DKK2: variants seen among roughly 807,000 people sequenced by gnomAD.
The protein encoded by DKK2 is dickkopf Wnt signaling pathway inhibitor 2.
DKK2 carries 11 observed loss-of-function variants against 28.1 expected under a neutral mutation model. That is an observed-to-expected ratio of 0.39 (90% CI 0.25 to 0.65). DKK2 has a LOEUF of 0.65. Among genes scored for constraint, DKK2 ranks in the 30% least tolerant of loss-of-function variants. The pLI is 0.47. For missense variants in DKK2, 326 were observed against 335.5 expected, an observed-to-expected ratio of 0.97 and a Z score of 0.22; for synonymous variants, 135 against 126.5, an observed-to-expected ratio of 1.07 and a Z score of -0.45.
At chr4:106,975,446 C>A (rs1399028142) in intron 1 of DKK2, among the ~76,000 whole-genome samples, 1 of 151,936 alleles carries the variant, frequency 6.6e-6, no homozygotes, top group Admixed American at 6.6e-5. Flanking sequence ...TTCAGGGATT[C>A]GACTCTTCCT....
At chr4:106,964,644 T>G (rs536248292) in intron 1 of DKK2, among the ~76,000 whole-genome samples, 280 of 152,180 alleles carry the variant, frequency 1.8e-3, no homozygotes, top group Non-Finnish European at 3.0e-3. Flanking sequence ...CTAATATACA[T>G]TTTGCTGTGA....
At chr4:106,985,328 G>T (rs1723100179) in intron 1 of DKK2, among the ~76,000 whole-genome samples, 1 of 152,044 alleles carries the variant, frequency 6.6e-6, no homozygotes, top group African/African-American at 2.4e-5. Flanking sequence ...AATCCTTGTG[G>T]TGATGGTGTG....
At chr4:106,986,599 A>G (rs1170263363) in intron 1 of DKK2, among the ~76,000 whole-genome samples, 8 of 152,184 alleles carry the variant, frequency 5.3e-5, no homozygotes. Context: ...ATAAACTAAT[A>G]GTTCAGGGAA....
rs373989655 is a variant in DKK2 at position 107,012,739 on chromosome 4, A to G, written c.222+22631T>C. On this transcript the variant is annotated intron_variant, in intron 1 of 3. Coordinates refer to ENST00000285311, the MANE Select transcript of DKK2 (RefSeq NM_014421.3). ...AAAACTTTCTCTAATACTGTTTATCATGATATTGCAGCATATGCTCTCTAT... is the reference window on the plus strand; with the variant it reads ...AAAACTTTCTCTAATACTGTTTATCGTGATATTGCAGCATATGCTCTCTAT... 7.9e-5 allele frequency among the ~76,000 whole-genome samples: 12 copies of G among 151,050 alleles called. No homozygotes were observed. The East Asian group carries it at 9.7e-4, about 12-fold the overall frequency.
intron 1 of DKK2, among the ~76,000 whole-genome samples, chr4:106,960,464 G>A (rs190691570): frequency 0.024 from 3,642 of 152,032 alleles, 60 homozygotes; most frequent in Non-Finnish European, 0.036. Flanking sequence ...ACTAACTTTT[G>A]GGAACAATGT....
In DKK2 at chr4:106,984,730, C is replaced by T. The variant is rs138890025; in HGVS notation, c.222+50640G>A. 3.4e-3 allele frequency among the ~76,000 whole-genome samples: 525 copies of T among 152,302 alleles called. 3 individuals carry two copies. Among genetic ancestry groups the T allele is most frequent in the African/African-American group, 0.012 (511 of 41,568 alleles). On this transcript the variant is annotated intron_variant, in intron 1 of 3. Coordinates refer to ENST00000285311, the MANE Select transcript of DKK2 (RefSeq NM_014421.3). ...ATATTGGTGTTCAAGGGTCTGTAGCCACTTCATTCTTACTAGCCAAAAACT... is the reference window on the plus strand; with the variant it reads ...ATATTGGTGTTCAAGGGTCTGTAGCTACTTCATTCTTACTAGCCAAAAACT...
intron 1 of DKK2, among the ~76,000 whole-genome samples, chr4:107,026,613 C>G (rs377307611): frequency 5.9e-5 from 9 of 152,216 alleles, no homozygotes; most frequent in African/African-American, 2.2e-4. Context: ...AGCATTCTTT[C>G]GGCACCCGTG....
chr4:106,936,136 GAGA>G (rs1724584030), intron 1 of DKK2, among the ~76,000 whole-genome samples: 1 of 152,182 alleles, frequency 6.6e-6, no homozygotes, highest in African/African-American at 2.4e-5. Flanking sequence ...GACGAGCTGA[GAGA>G]AGAAGGCTTC....
At chr4:106,976,799 T>C (rs933975927) in intron 1 of DKK2, among the ~76,000 whole-genome samples, 1 of 152,240 alleles carries the variant, frequency 6.6e-6, no homozygotes, top group Non-Finnish European at 1.5e-5. Flanking sequence ...AACTGGTTAT[T>C]TTGCCCATTA....
chr4:106,924,663 AGGG>A lies in DKK2; in HGVS notation c.408_410del (p.Pro137del). 1.2e-6 allele frequency: 2 copies of A among 1,613,766 alleles called. No individual in the cohort carries two copies. The highest frequency in any genetic ancestry group is 1.7e-6 in the Non-Finnish European group (2 of 1,179,820). On this transcript the variant is annotated inframe_deletion, in exon 3 of 4. Coordinates refer to ENST00000285311, the MANE Select transcript of DKK2 (RefSeq NM_014421.3). Reference sequence around the variant, plus strand: ...GAGTACCATCCAGAGCCGGGATGTGAGGGGTTAAGATGCTTTCAGTAACTGGGA... The same window carrying A: ...GAGTACCATCCAGAGCCGGGATGTGAGTTAAGATGCTTTCAGTAACTGGGA...
chr4:107,027,170 A>G (rs549578825), intron 1 of DKK2, among the ~76,000 whole-genome samples: 18 of 152,322 alleles, frequency 1.2e-4, no homozygotes, highest in Non-Finnish European at 1.2e-4. Flanking sequence ...TCAGAAGACT[A>G]ACACAATACC....
intron 1 of DKK2, among the ~76,000 whole-genome samples, chr4:106,952,333 C>A (rs959742983): frequency 3.3e-5 from 5 of 152,076 alleles, no homozygotes; most frequent in Non-Finnish European, 4.4e-5. Flanking sequence ...CCAAAAAGTA[C>A]CCTCTTGGCT....
At chr4:106,956,420 C>T (rs558901653) in intron 1 of DKK2, among the ~76,000 whole-genome samples, 2 of 152,270 alleles carry the variant, frequency 1.3e-5, no homozygotes, top group Non-Finnish European at 1.5e-5. Flanking sequence ...TCATATGGAA[C>T]TAAAAAAGAG....
At chr4:107,020,698 C>T (rs911596285) in intron 1 of DKK2, among the ~76,000 whole-genome samples, 2 of 152,000 alleles carry the variant, frequency 1.3e-5, no homozygotes, top group Admixed American at 1.3e-4. Context: ...ACAAATAATG[C>T]ATGTTTTCAC....
In DKK2 at chr4:106,923,737, C is replaced by T. The variant is rs1022448639; in HGVS notation, c.*217G>A. 3 of 590,300 alleles carry T rather than the reference C, an allele frequency of 5.1e-6. No individual in the cohort carries two copies. The highest frequency in any genetic ancestry group is 1.9e-5 in the African/African-American group (1 of 53,556). 36.6% of individuals were successfully genotyped at this position (590,300 alleles called of 1,614,324 possible). On this transcript the variant is annotated 3_prime_UTR_variant, in exon 4 of 4. Transcript: ENST00000285311. ...CAAATGTGTACATTATTTACATAGA[C>T]AAGTTGCATAATGGAAACACTGGCT...
intron 1 of DKK2, among the ~76,000 whole-genome samples, chr4:106,933,945 G>A (rs550283377): frequency 2.8e-4 from 42 of 151,906 alleles, no homozygotes; most frequent in Non-Finnish European, 6.0e-4. Flanking sequence ...AAATGAGGAC[G>A]TAAGTTTCCT....
At chr4:106,977,275 A>C (rs533362362) in intron 1 of DKK2, among the ~76,000 whole-genome samples, 1 of 152,180 alleles carries the variant, frequency 6.6e-6, no homozygotes, top group Admixed American at 6.5e-5. Context: ...CCCGAATTTG[A>C]ATGTTGGCCT....
chr4:107,000,003 G>A (rs1723336757), intron 1 of DKK2, among the ~76,000 whole-genome samples: 1 of 152,130 alleles, frequency 6.6e-6, no homozygotes, highest in Non-Finnish European at 1.5e-5. Context: ...ATAGAAAGAT[G>A]TGATAAGAGC....
intron 1 of DKK2, among the ~76,000 whole-genome samples, chr4:106,992,789 C>T (rs1218441726): frequency 1.3e-5 from 2 of 152,126 alleles, no homozygotes; most frequent in Non-Finnish European, 2.9e-5. Context: ...TAAATATGTG[C>T]TCGAAATCCT....
Sources: gnomAD v4.1 joint callset for allele counts (sites outside exome capture counted in the v4.1 genomes callset) on GRCh38, gnomAD v4.1.1 for gene constraint, MANE v1.5 for transcripts, NCBI Gene and HGNC (gene_info 2026-07-23, HGNC 2026-07-21) for gene names.